Variants in ROBO2 observed in about 807,000 individuals in gnomAD.
ROBO2 encodes the protein roundabout guidance receptor 2, also known as roundabout homolog 2.
ROBO2 carries 53 observed loss-of-function variants against 160.8 expected under a neutral mutation model. The observed-to-expected ratio is 0.33, with a 90% CI of 0.26 to 0.41. The LOEUF (loss-of-function observed/expected upper bound fraction) is 0.41. Ranked by LOEUF, ROBO2 falls within the 10% of genes least tolerant of loss-of-function variation. The pLI, the probability that ROBO2 is intolerant of heterozygous loss-of-function variation, is 1.00. For missense variants in ROBO2, 1,577 were observed against 1,722.4 expected, an observed-to-expected ratio of 0.92 and a Z score of 1.49; for synonymous variants, 664 against 611.7, an observed-to-expected ratio of 1.09 and a Z score of -1.26.
chr3:76,164,335 C>T (rs1342312528), intron 2 of ROBO2, among the ~76,000 whole-genome samples: 1 of 152,166 alleles, frequency 6.6e-6, no homozygotes, highest in Non-Finnish European at 1.5e-5. Context: ...TTTACCTCCT[C>T]CCATGAATCA....
At chr3:77,279,134 A>G (rs2060080560) in intron 2 of ROBO2, among the ~76,000 whole-genome samples, 2 of 152,072 alleles carry the variant, frequency 1.3e-5, no homozygotes, top group Admixed American at 1.3e-4. Flanking sequence ...GAAAACTGAA[A>G]ACGTCTCTTT....
intron 6 of ROBO2, among the ~76,000 whole-genome samples, chr3:77,538,535 T>C (rs1333362307): frequency 6.6e-6 from 1 of 152,158 alleles, no homozygotes; most frequent in Non-Finnish European, 1.5e-5. Flanking sequence ...AAGTAGTCTC[T>C]ATAAAAGTGA....
At chr3:77,428,337 A>ATTTTT (rs1491236295) in intron 2 of ROBO2, among the ~76,000 whole-genome samples, 1,662 of 127,712 alleles carry the variant, frequency 0.013, 32 homozygotes, top group South Asian at 0.024. Context: ...AACTTAGGTA[A>ATTTTT]TATTTTTTTT....
intron 2 of ROBO2, among the ~76,000 whole-genome samples, chr3:77,221,854 C>CTTTT (rs5850317): frequency 1.4e-5 from 2 of 140,286 alleles, no homozygotes; most frequent in African/African-American, 5.4e-5. Context: ...TTTTCTTTTT[C>CTTTT]TTTTTTTTTT....
At position 76,654,711 on chromosome 3, in the gene ROBO2, G is replaced by A. The variant is rs183587174; in HGVS notation, c.110-443303G>A. 3.7e-3 allele frequency among the ~76,000 whole-genome samples: 564 copies of A among 151,856 alleles called. 9 individuals carry two copies. The highest frequency in any genetic ancestry group is 0.013 in the African/African-American group (542 of 41,458). On this transcript the variant is annotated intron_variant, in intron 2 of 26. Coordinates refer to the ROBO2 transcript ENST00000487694. ...AAAAGAAAATTAGATCATAAGAAGCGCTATACCAAGAATTAAAACTAAGCT... is the reference window on the plus strand; with the variant it reads ...AAAAGAAAATTAGATCATAAGAAGCACTATACCAAGAATTAAAACTAAGCT...
At chr3:76,055,083 A>G (rs2067789567) in intron 2 of ROBO2, among the ~76,000 whole-genome samples, 1 of 152,178 alleles carries the variant, frequency 6.6e-6, no homozygotes, top group Non-Finnish European at 1.5e-5. Flanking sequence ...GCTGAAGGCG[A>G]ATGAGGAGCA....
chr3:76,080,262 AT>A (rs545581763), intron 2 of ROBO2, among the ~76,000 whole-genome samples: 1 of 152,158 alleles, frequency 6.6e-6, no homozygotes, highest in Non-Finnish European at 1.5e-5. Context: ...AATCGGTTCT[AT>A]TTTTGGCTTC....
chr3:75,910,293 C>A (rs147343138), intron 1 of ROBO2, among the ~76,000 whole-genome samples: 53 of 152,288 alleles, frequency 3.5e-4, no homozygotes, highest in Non-Finnish European at 5.4e-4. Flanking sequence ...GGTGACAACT[C>A]TTGCTAAAGG....
intron 2 of ROBO2, among the ~76,000 whole-genome samples, chr3:77,296,446 C>G (rs747619339): frequency 6.6e-5 from 10 of 152,236 alleles, no homozygotes; most frequent in African/African-American, 2.4e-4. Context: ...GGCTAGGGCA[C>G]GAAGTCACAC....
In ROBO2 at chr3:77,344,421, G is replaced by A. The variant is rs184131025; in HGVS notation, c.389-132993G>A. On this transcript the variant is annotated intron_variant, in intron 2 of 25. Transcript: ENST00000461745. ...TGTTAGGAGGTAGAGCCTTTGGCAA[G>A]TGATTAGGCCATGAGGGCAGAGCCC... 3.3e-5 allele frequency among the ~76,000 whole-genome samples: 5 copies of A among 152,266 alleles called. No homozygotes were observed. In the East Asian group the frequency reaches 9.7e-4, roughly 29 times the overall value.
At chr3:76,113,124 T>A (rs1053686568) in intron 2 of ROBO2, among the ~76,000 whole-genome samples, 1 of 152,026 alleles carries the variant, frequency 6.6e-6, no homozygotes, top group African/African-American at 2.4e-5. Flanking sequence ...GATAAGAAGA[T>A]GAGAAATAAA....
At chr3:76,472,101 G>GCA (rs2078693501) in intron 2 of ROBO2, among the ~76,000 whole-genome samples, 1 of 95,920 alleles carries the variant, frequency 1.0e-5, no homozygotes, top group East Asian at 2.7e-4. Context: ...GTGTGTGTGT[G>GCA]CGCGTGTGCG....
At chr3:76,982,080 T>C (rs778789469) in intron 2 of ROBO2, among the ~76,000 whole-genome samples, 3 of 152,204 alleles carry the variant, frequency 2.0e-5, no homozygotes, top group Non-Finnish European at 4.4e-5. Flanking sequence ...CCTTTTAATT[T>C]TGGTGAAGTC....
intron 2 of ROBO2, among the ~76,000 whole-genome samples, chr3:76,987,492 T>C (rs2060445169): frequency 6.6e-6 from 1 of 152,188 alleles, no homozygotes; most frequent in Non-Finnish European, 1.5e-5. Flanking sequence ...TATTTCTCTT[T>C]TGGGAACAGT....
At chr3:76,310,385 T>C (rs1000425777) in intron 2 of ROBO2, among the ~76,000 whole-genome samples, 12 of 152,180 alleles carry the variant, frequency 7.9e-5, no homozygotes, top group African/African-American at 2.9e-4. Flanking sequence ...AGTTTGCTTA[T>C]GATATTCATG....
At chr3:77,474,316 T>C (rs2083716986) in intron 2 of ROBO2, among the ~76,000 whole-genome samples, 1 of 152,154 alleles carries the variant, frequency 6.6e-6, no homozygotes, top group African/African-American at 2.4e-5. Context: ...CTCCTCAGGG[T>C]ACGCTAATAA....
At chr3:76,207,409 A>T (rs1702881053) in intron 2 of ROBO2, among the ~76,000 whole-genome samples, 1 of 152,160 alleles carries the variant, frequency 6.6e-6, no homozygotes, top group African/African-American at 2.4e-5. Context: ...GTGGGCTATA[A>T]ATTTATGATG....
chr3:76,783,528 T>A (rs78938621), intron 2 of ROBO2, among the ~76,000 whole-genome samples: 1 of 149,958 alleles, frequency 6.7e-6, no homozygotes, highest in Non-Finnish European at 1.5e-5. Context: ...TTTTTTTTTT[T>A]CCAGTGCTTT....
intron 2 of ROBO2, among the ~76,000 whole-genome samples, chr3:77,260,569 T>G (rs2058710165): frequency 6.6e-6 from 1 of 152,150 alleles, no homozygotes; most frequent in Non-Finnish European, 1.5e-5. Flanking sequence ...AACCCGTCAT[T>G]CTAAAGGAAC....
Sources: allele counts gnomAD v4.1 joint callset (sites outside exome capture counted in the v4.1 genomes callset), GRCh38; gene constraint gnomAD v4.1.1; transcripts MANE v1.5; gene names NCBI Gene and HGNC (gene_info 2026-07-23, HGNC 2026-07-21).